The following WDPCP variants were observed in gnomAD, a reference collection of about 807,000 sequenced individuals.
WDPCP encodes the protein WD repeat-containing and planar cell polarity effector protein fritz homolog.
A neutral mutation model predicts 93.1 loss-of-function variants in WDPCP; 71 were observed. That is an observed-to-expected ratio of 0.76 (90% confidence interval 0.63 to 0.93). The LOEUF (loss-of-function observed/expected upper bound fraction) is 0.93, where lower values mean the gene tolerates loss of function less well. Ranked by LOEUF, WDPCP falls within the 40% of genes least tolerant of loss-of-function variation. WDPCP has a pLI of 0.00. For missense variants in WDPCP, 844 were observed against 887.4 expected (o/e 0.95, Z 0.62); for synonymous variants, 315 against 315.0 (o/e 1.00, Z 0.00).
chr2:63,314,896 G>C (rs1686515253), intron 12 of WDPCP, among the ~76,000 whole-genome samples: 1 of 152,136 alleles, frequency 6.6e-6, no homozygotes, highest in African/African-American at 2.4e-5. Context: ...ACTGAAATTG[G>C]AGAGAGTGAA....
At chr2:63,127,386 G>T (rs1238006992) in intron 17 of WDPCP, among the ~76,000 whole-genome samples, 1 of 151,834 alleles carries the variant, frequency 6.6e-6, no homozygotes, top group African/African-American at 2.4e-5. Flanking sequence ...GCCTCCCAAA[G>T]TGCTGGGATT....
Position 63,638,009 on chromosome 2 carries a change from T to C in WDPCP, n.488+12650A>G, listed in dbSNP as rs527606519. 2.0e-5 allele frequency among the ~76,000 whole-genome samples: 3 copies of C among 152,266 alleles called. No individual in the cohort carries two copies. In the South Asian group the frequency reaches 6.2e-4, roughly 32 times the overall value. The stretch of plus-strand genomic sequence containing the variant: ...CTCATGTTCATTGGATGGATGAACA[T>C]TGGATTGGATTTTATCAATGGATAA... On this transcript the variant is annotated intron_variant and non_coding_transcript_variant, in intron 3 of 4. Transcript: ENST00000467687.
intron 14 of WDPCP, among the ~76,000 whole-genome samples, chr2:63,237,216 A>C (rs983224600): frequency 6.6e-6 from 1 of 152,094 alleles, no homozygotes; most frequent in African/African-American, 2.4e-5. Flanking sequence ...CAAGTGGCCA[A>C]ACATTAAAAA....
intron 3 of WDPCP, among the ~76,000 whole-genome samples, chr2:63,634,694 G>A (rs1267869878): frequency 6.6e-6 from 1 of 151,842 alleles, no homozygotes; most frequent in East Asian, 1.9e-4. Context: ...ACACACTCCA[G>A]AACAATCAAT....
At chr2:63,396,102 A>G (rs186433926) in intron 10 of WDPCP, among the ~76,000 whole-genome samples, 136 of 152,298 alleles carry the variant, frequency 8.9e-4, no homozygotes, top group African/African-American at 3.2e-3. Context: ...TTTAAAATTC[A>G]TCATCACTCT....
rs574874255 is a variant in WDPCP at position 63,548,649 on chromosome 2, G to T, written c.75+39548C>A. On this transcript the variant is annotated intron_variant, in intron 1 of 17. Coordinates refer to ENST00000272321, the MANE Select transcript of WDPCP (RefSeq NM_015910.7). Reference sequence around the variant, plus strand: ...AATGTTAAGGTACTTTGATCATAAAGAATACATTTTCTTTCCTTTTTTTTT... The same window carrying T: ...AATGTTAAGGTACTTTGATCATAAATAATACATTTTCTTTCCTTTTTTTTT... 8.6e-5 allele frequency among the ~76,000 whole-genome samples: 13 copies of T among 151,358 alleles called. No individual in the cohort carries two copies. The South Asian group carries it at 2.7e-3, about 32-fold the overall frequency.
rs1187364852 is a variant in WDPCP at position 63,186,050 on chromosome 2, A to G, written c.1916-11218T>C. 3.9e-5 allele frequency among the ~76,000 whole-genome samples: 6 copies of G among 152,206 alleles called. No individual in the cohort carries two copies. The South Asian group carries it at 1.2e-3, about 31-fold the overall frequency. Reference sequence around the variant, plus strand: ...GCTGCACCAGGTTCCTCACATGTGAAGACCAGGGCAGCCAAAGCTCCTAGA... The same window carrying G: ...GCTGCACCAGGTTCCTCACATGTGAGGACCAGGGCAGCCAAAGCTCCTAGA... On this transcript the variant is annotated intron_variant, in intron 14 of 17. Coordinates refer to ENST00000272321, the MANE Select transcript of WDPCP (RefSeq NM_015910.7).
At chr2:63,789,739 T>C (rs1228489776) in intron 2 of WDPCP, among the ~76,000 whole-genome samples, 1 of 152,232 alleles carries the variant, frequency 6.6e-6, no homozygotes, top group African/African-American at 2.4e-5. Flanking sequence ...CCAAAGAGTA[T>C]GCAAATTAGT....
At chr2:63,144,394 G>A (rs1220701810) in intron 17 of WDPCP, among the ~76,000 whole-genome samples, 1 of 151,890 alleles carries the variant, frequency 6.6e-6, no homozygotes. Flanking sequence ...GTGATTCCCT[G>A]GCTAATTTTT....
chr2:63,203,996 A>T (rs1431507929), intron 14 of WDPCP, among the ~76,000 whole-genome samples: 1 of 152,190 alleles, frequency 6.6e-6, no homozygotes, highest in African/African-American at 2.4e-5. Flanking sequence ...CCTGTGAACA[A>T]CATTGCAACA....
intron 3 of WDPCP, among the ~76,000 whole-genome samples, chr2:63,639,373 T>C (rs746937649): frequency 6.6e-6 from 1 of 152,194 alleles, no homozygotes; most frequent in Non-Finnish European, 1.5e-5. Context: ...ATCAAACTCC[T>C]GGCCTCAAGC....
intron 6 of WDPCP, among the ~76,000 whole-genome samples, chr2:63,451,206 A>C (rs1223357254): frequency 6.6e-6 from 1 of 152,056 alleles, no homozygotes; most frequent in South Asian, 2.1e-4. Flanking sequence ...TGAAATACAA[A>C]ATACAGTCAA....
At chr2:63,453,768 A>G (rs944192256) in intron 6 of WDPCP, among the ~76,000 whole-genome samples, 15 of 152,140 alleles carry the variant, frequency 9.9e-5, no homozygotes, top group African/African-American at 3.4e-4. Flanking sequence ...GCAGCCATAA[A>G]AAAGGATGGG....
At chr2:63,330,215 C>T (rs1041468495) in intron 12 of WDPCP, among the ~76,000 whole-genome samples, 1 of 152,134 alleles carries the variant, frequency 6.6e-6, no homozygotes, top group Non-Finnish European at 1.5e-5. Flanking sequence ...AAGTGGTATC[C>T]TTTTATGCAC....
chr2:63,691,406 G>A (rs1173336202), intron 2 of WDPCP, among the ~76,000 whole-genome samples: 2 of 152,148 alleles, frequency 1.3e-5, no homozygotes, highest in Admixed American at 6.5e-5. Context: ...AGGCTAAGGC[G>A]GGCAGATCAC....
chr2:63,505,156 C>A (rs562218678), intron 1 of WDPCP, among the ~76,000 whole-genome samples: 1 of 152,126 alleles, frequency 6.6e-6, no homozygotes, highest in African/African-American at 2.4e-5. Context: ...GCAGTGAATT[C>A]TTTAATATTG....
chr2:63,387,367 T>A (rs1692821205), intron 10 of WDPCP, among the ~76,000 whole-genome samples: 1 of 151,178 alleles, frequency 6.6e-6, no homozygotes, highest in Admixed American at 6.6e-5. Context: ...ATAAACAGAA[T>A]GAAAAACAAA....
intron 1 of WDPCP, among the ~76,000 whole-genome samples, chr2:63,553,283 T>C (rs1319170266): frequency 6.6e-6 from 1 of 152,244 alleles, no homozygotes; most frequent in African/African-American, 2.4e-5. Context: ...TTTTATTCTC[T>C]TTGAACTAAT....
At chr2:63,396,013 G>A (rs1431594223) in intron 10 of WDPCP, among the ~76,000 whole-genome samples, 1 of 152,092 alleles carries the variant, frequency 6.6e-6, no homozygotes, top group Non-Finnish European at 1.5e-5. Flanking sequence ...ACAGGTATTA[G>A]CCACCGTGCC....
Sources: gnomAD v4.1 joint callset for allele counts (sites outside exome capture counted in the v4.1 genomes callset) on GRCh38, gnomAD v4.1.1 for gene constraint, MANE v1.5 for transcripts, NCBI Gene and HGNC (gene_info 2026-07-23, HGNC 2026-07-21) for gene names.